DHCR7: variants seen among roughly 807,000 people sequenced by gnomAD.
DHCR7 encodes 7-dehydrocholesterol reductase, also known as 7-DHC reductase.
A neutral mutation model predicts 43.3 loss-of-function variants in DHCR7; 40 were observed. That is an observed-to-expected ratio of 0.92 (90% CI 0.72 to 1.20). The LOEUF (loss-of-function observed/expected upper bound fraction) is 1.20. Among genes scored for constraint, DHCR7 ranks in the 50% most tolerant of loss-of-function variants. The pLI, the probability that DHCR7 is intolerant of heterozygous loss-of-function variation, is 0.00. For missense variants in DHCR7, 608 were observed against 644.6 expected, an observed-to-expected ratio of 0.94 and a Z score of 0.62; for synonymous variants, 298 against 271.4, an observed-to-expected ratio of 1.10 and a Z score of -0.96.
chr11:71,443,159 G>C (rs1344819159), intron 4 of DHCR7, among the ~76,000 whole-genome samples: 1 of 152,226 alleles, frequency 6.6e-6, no homozygotes, highest in Non-Finnish European at 1.5e-5. Context: ...GTGTCCCACA[G>C]TGGGCACAGT....
intron 2 of DHCR7, among the ~76,000 whole-genome samples, chr11:71,446,260 GAAA>G (rs57679336): frequency 1.5e-5 from 1 of 65,928 alleles, no homozygotes. Context: ...CTTACCAAAT[GAAA>G]AAAAAAAAAA....
chr11:71,446,800 G>T (rs1949409220), intron 2 of DHCR7, among the ~76,000 whole-genome samples: 1 of 152,192 alleles, frequency 6.6e-6, no homozygotes, highest in African/African-American at 2.4e-5. Flanking sequence ...TTCTTGATAG[G>T]AAGAGACCGT....
rs1255961569 is a variant in DHCR7 at position 71,437,813 on chromosome 11, T to A, written c.962A>T (p.Gln321Leu). Residue 321 changes from glutamine to leucine, a missense_variant and splice_region_variant, in exon 8 of 9, where the codon CAG (glutamine) becomes CTG (leucine). Gln to Leu is a moderately radical substitution (Grantham distance 113, BLOSUM62 -2). Coordinates refer to ENST00000355527, the MANE Select transcript of DHCR7 (RefSeq NM_001360.3). ...GGCCAGCTCTGCCCACCTCCTCACC[T>A]GCAGCGTGTAAAGATAAGGCAGCCA... ...CVWLPYLYTLQGLYLVYHPVQ... is the reference protein window; with the variant it reads ...CVWLPYLYTLLGLYLVYHPVQ... 1 of 1,613,824 alleles carries A rather than the reference T, an allele frequency of 6.2e-7. No homozygotes were observed. Among genetic ancestry groups the A allele is most frequent in the Non-Finnish European group, 8.5e-7 (1 of 1,179,998 alleles).
chr11:71,441,496 T>G, intron 5 of DHCR7, 56 bp from the exon 6 acceptor site: 1 of 1,429,846 alleles, frequency 7.0e-7, no homozygotes, highest in Non-Finnish European at 9.7e-7. Flanking sequence ...GTGAGGAGCT[T>G]GGCTGGGCTG....
downstream of DHCR7, among the ~76,000 whole-genome samples, chr11:71,434,218 C>T (rs1216180189): frequency 6.6e-6 from 1 of 152,214 alleles, no homozygotes; most frequent in East Asian, 1.9e-4. Context: ...CAGCAAAGGG[C>T]TGACATGGGA....
downstream of DHCR7, among the ~76,000 whole-genome samples, chr11:71,431,331 G>A (rs957277608): frequency 6.6e-6 from 1 of 152,232 alleles, no homozygotes; most frequent in Non-Finnish European, 1.5e-5. Context: ...GGATAGCTTG[G>A]CTTTCAGGCT....
At chr11:71,432,172 CAT>C (rs2135937450), downstream of DHCR7, among the ~76,000 whole-genome samples, 1 of 152,330 alleles carries the variant, frequency 6.6e-6, no homozygotes, top group East Asian at 1.9e-4. Flanking sequence ...GTTATTGAAA[CAT>C]ATTCCTCCTC....
chr11:71,444,860 A>G lies in DHCR7; in HGVS notation c.93T>C (p.Arg31=), dbSNP rs1949389368. 1 of 1,613,840 alleles carries G rather than the reference A, an allele frequency of 6.2e-7. No homozygotes were observed. Among genetic ancestry groups the G allele is most frequent in the Non-Finnish European group, 8.5e-7 (1 of 1,179,850 alleles). The part of the protein sequence containing the change: ...DRTASQGQWG[R]AWEVDWFSLA... Reference sequence around the variant, plus strand: ...AGAACAGGCAAGATCCTTACCAGGCACGGCCCCACTGCCCTTGAGATGCGG... The same window carrying G: ...AGAACAGGCAAGATCCTTACCAGGCGCGGCCCCACTGCCCTTGAGATGCGG... Residue 31 remains arginine, a synonymous_variant, in exon 3 of 9, where the codon CGT becomes CGC. Coordinates refer to ENST00000355527, the MANE Select transcript of DHCR7 (RefSeq NM_001360.3).
intron 4 of DHCR7, among the ~76,000 whole-genome samples, chr11:71,443,740 C>T (rs1009894363): frequency 5.3e-5 from 8 of 152,206 alleles, no homozygotes; most frequent in African/African-American, 1.9e-4. Context: ...CCCTGCAGAG[C>T]TGGGCGTGCC....
intron 5 of DHCR7, 138 bp from the exon 6 acceptor site, chr11:71,441,578 G>A (rs2135944923): frequency 1.3e-6 from 1 of 753,336 alleles, no homozygotes; most frequent in Non-Finnish European, 2.3e-6. Flanking sequence ...GGGGCCCCAG[G>A]AACCATCTCT....
In DHCR7 at chr11:71,444,122, G is replaced by A. The variant is rs1347224627; in HGVS notation, c.192C>T (p.Tyr64=). Residue 64 remains tyrosine (Y), a synonymous_variant, in exon 4 of 9, where the codon TAC becomes TAT. Coordinates refer to ENST00000355527, the MANE Select transcript of DHCR7 (RefSeq NM_001360.3). ...VYYFIMACDQ[Y]SCALTGPVVD... is the part of the protein sequence containing the mutation. ...CCACAGGGCCAGTCAGGGCGCAGCT[G>A]TACTGGTCACAAGCCATGATGAAGT... is the stretch of plus-strand genomic sequence containing the variant. 4 of 1,611,990 alleles carry A rather than the reference G, an allele frequency of 2.5e-6. No individual in the cohort carries two copies. Among genetic ancestry groups the A allele is most frequent in the Non-Finnish European group, 3.4e-6 (4 of 1,179,208 alleles).
chr11:71,428,779 A>T (rs1949213486), exon 3 of DHCR7: 1 of 454,628 alleles, frequency 2.2e-6, no homozygotes. Flanking sequence ...TGCCCTCCCC[A>T]GGGTCATCTC....
At chr11:71,437,021 CG>C (rs1949289975) in intron 8 of DHCR7, among the ~76,000 whole-genome samples, 1 of 152,134 alleles carries the variant, frequency 6.6e-6, no homozygotes, top group Non-Finnish European at 1.5e-5. Context: ...GTGGGCCATG[CG>C]GGGGGCTCCA....
upstream of DHCR7, chr11:71,448,567 C>T (rs1284709940): frequency 6.6e-6 from 1 of 152,306 alleles, no homozygotes. Flanking sequence ...GGCCCAGGCC[C>T]CGCCCTGCCG....
At chr11:71,429,694 T>C (rs1201197133), downstream of DHCR7, among the ~76,000 whole-genome samples, 2 of 151,854 alleles carry the variant, frequency 1.3e-5, no homozygotes, top group Non-Finnish European at 2.9e-5. Context: ...GCATGTGGAC[T>C]CATGAGCGGC....
At chr11:71,430,794 G>A (rs1019185213), downstream of DHCR7, among the ~76,000 whole-genome samples, 7 of 152,218 alleles carry the variant, frequency 4.6e-5, no homozygotes, top group African/African-American at 1.2e-4. Context: ...TCTACTGAAT[G>A]AGTCTGGAGT....
chr11:71,433,946 C>T (rs545860053), downstream of DHCR7, among the ~76,000 whole-genome samples: 1 of 152,310 alleles, frequency 6.6e-6, no homozygotes, highest in South Asian at 2.1e-4. Context: ...GTCACAGTTC[C>T]GATACCCTCC....
Position 71,443,993 on chromosome 11 carries a change from C to T in DHCR7, c.321G>A (p.Gln107=). The T allele has an allele frequency of 6.2e-7, 1 of 1,610,412 alleles. No individual in the cohort carries two copies. Among genetic ancestry groups the T allele is most frequent in the South Asian group, 1.1e-5 (1 of 90,504 alleles). ...AQLYTLWVTF[Q]VLLYTSLPDF... Reference sequence around the variant, plus strand: ...CAACCCCAGGGCAGGGGCTGCTGACCTGGAAGGTGACCCACAAGGTATAGA... The same window carrying T: ...CAACCCCAGGGCAGGGGCTGCTGACTTGGAAGGTGACCCACAAGGTATAGA... Residue 107 remains glutamine, a splice_region_variant and synonymous_variant, in exon 4 of 9, where the codon CAG becomes CAA. Transcript: ENST00000355527.
chr11:71,444,689 T>C (rs1949387855), intron 3 of DHCR7, among the ~76,000 whole-genome samples, 166 bp downstream of exon 3: 1 of 151,912 alleles, frequency 6.6e-6, no homozygotes, highest in Non-Finnish European at 1.5e-5. Flanking sequence ...TATAATTCCT[T>C]ACTTTATAAA....
Sources: allele counts gnomAD v4.1 joint callset (sites outside exome capture counted in the v4.1 genomes callset), GRCh38; gene constraint gnomAD v4.1.1; transcripts MANE v1.5; gene names NCBI Gene and HGNC (gene_info 2026-07-23, HGNC 2026-07-21).